SFXN5: variants seen among roughly 807,000 people sequenced by gnomAD.
The protein encoded by SFXN5 is sideroflexin-5.
SFXN5 carries 43 observed loss-of-function variants against 50.2 expected under a neutral mutation model. That is an observed-to-expected ratio of 0.86 (90% CI 0.67 to 1.11). SFXN5 has a LOEUF of 1.11. SFXN5 is among the 50% of genes least tolerant of loss of function. SFXN5 has a pLI of 0.00. For missense variants in SFXN5, 463 were observed against 454.1 expected, an observed-to-expected ratio of 1.02 and a Z score of -0.18; for synonymous variants, 203 against 185.8, an observed-to-expected ratio of 1.09 and a Z score of -0.75.
intron 3 of SFXN5, among the ~76,000 whole-genome samples, chr2:73,026,629 A>G (rs576755545): frequency 1.3e-5 from 2 of 152,310 alleles, no homozygotes; most frequent in South Asian, 4.1e-4. Context: ...CTGCATTGCC[A>G]TTCATATAAA....
chr2:72,992,964 G>A lies in SFXN5; in HGVS notation c.535-4616C>T, dbSNP rs1000937661. The stretch of plus-strand genomic sequence containing the variant: ...CATGAAGGCTCCTGAGGAAGGGGAT[G>A]CCTGCCTGAGCCCTGAATAGGAGGC... On this transcript the variant is annotated intron_variant, in intron 9 of 13. Transcript: ENST00000272433. This position sits in a 1 kb window ranked among gnomAD's most constrained non-coding sequence, Gnocchi z 4.5. 4.6e-5 allele frequency among the ~76,000 whole-genome samples: 7 copies of A among 152,196 alleles called. No homozygotes were observed. The highest frequency in any genetic ancestry group is 1.0e-4 in the Non-Finnish European group (7 of 68,044).
chr2:72,999,851 C>T (rs1330241192), intron 8 of SFXN5, among the ~76,000 whole-genome samples: 1 of 152,170 alleles, frequency 6.6e-6, no homozygotes, highest in African/African-American at 2.4e-5. Context: ...GGAGAGGTGG[C>T]CTTGCCAGCA....
At chr2:73,059,616 C>T in intron 1 of SFXN5, 1 of 981,164 alleles carries the variant, frequency 1.0e-6, no homozygotes, top group Non-Finnish European at 1.2e-6. Context: ...ATTTCTCTCC[C>T]ACCATGGCAC....
rs201000509 is a variant in SFXN5 at position 72,968,545 on chromosome 2, G to A, written c.742-12C>T. 1,161 of 1,612,700 alleles carry A rather than the reference G, an allele frequency of 7.2e-4. 5 individuals carry two copies. The African/African-American group carries it at 0.014, about 20-fold the overall frequency. ...GTCTCCAGCAGGGCCTGAGGGGCAGGCAGAAGCTGTGTGAGAGGGGCCTGA... is the reference window on the plus strand; with the variant it reads ...GTCTCCAGCAGGGCCTGAGGGGCAGACAGAAGCTGTGTGAGAGGGGCCTGA... On this transcript the variant is annotated splice_polypyrimidine_tract_variant and intron_variant, in intron 11 of 13. Transcript: ENST00000272433.
chr2:72,974,061 A>G (rs898688941), intron 10 of SFXN5, among the ~76,000 whole-genome samples: 16 of 151,954 alleles, frequency 1.1e-4, no homozygotes, highest in African/African-American at 3.9e-4. Context: ...TTGCCACCCA[A>G]CCCCACCTTG....
chr2:73,052,641 C>G (rs1014450199), intron 2 of SFXN5, among the ~76,000 whole-genome samples: 1 of 152,080 alleles, frequency 6.6e-6, no homozygotes, highest in East Asian at 1.9e-4. Flanking sequence ...AATCTGTCAG[C>G]CATTCATTTC....
intron 1 of SFXN5, among the ~76,000 whole-genome samples, chr2:73,068,791 T>C (rs1683358226): frequency 6.6e-6 from 1 of 151,688 alleles, no homozygotes; most frequent in Non-Finnish European, 1.5e-5. Context: ...AATCAATGTA[T>C]ACACCGAGAA....
intron 12 of SFXN5, among the ~76,000 whole-genome samples, chr2:72,966,170 C>T (rs1178331128): frequency 6.6e-6 from 1 of 152,200 alleles, no homozygotes; most frequent in Non-Finnish European, 1.5e-5. Flanking sequence ...GGGGCACCAG[C>T]TTGCCTTGAG....
intron 12 of SFXN5, among the ~76,000 whole-genome samples, chr2:72,967,915 T>C (rs115383272): frequency 6.6e-6 from 1 of 152,218 alleles, no homozygotes; most frequent in African/African-American, 2.4e-5. Context: ...ATGACAGATA[T>C]GAGTGCTTAG....
intron 2 of SFXN5, among the ~76,000 whole-genome samples, chr2:73,056,854 GAAC>G (rs1304916851): frequency 7.2e-5 from 11 of 152,194 alleles, no homozygotes; most frequent in African/African-American, 2.7e-4. Flanking sequence ...ACAACGCTTT[GAAC>G]AACAGTTTGG....
chr2:72,968,241 G>C (rs1573984672), intron 12 of SFXN5, among the ~76,000 whole-genome samples: 1 of 151,924 alleles, frequency 6.6e-6, no homozygotes, highest in Middle Eastern at 3.4e-3. Context: ...CCAGGGTCCT[G>C]CATAGTAAAA....
intron 6 of SFXN5, among the ~76,000 whole-genome samples, chr2:73,010,431 C>T (rs1322863558): frequency 6.6e-6 from 1 of 152,134 alleles, no homozygotes; most frequent in Non-Finnish European, 1.5e-5. Context: ...TATGGGGTGA[C>T]TTTTTACAAT....
chr2:73,042,594 C>T (rs1464171393), intron 2 of SFXN5: 1 of 151,932 alleles, frequency 6.6e-6, no homozygotes, highest in Non-Finnish European at 1.5e-5. Context: ...GCCTGCAAGA[C>T]AGAGCAAGAC....
intron 3 of SFXN5, among the ~76,000 whole-genome samples, chr2:73,031,798 G>A (rs1388186663): frequency 3.9e-5 from 6 of 152,170 alleles, no homozygotes; most frequent in Non-Finnish European, 8.8e-5. Flanking sequence ...ATGGACTTTG[G>A]CCCTCTCTCA....
At chr2:72,987,731 A>G (rs1672086741) in intron 10 of SFXN5, among the ~76,000 whole-genome samples, 1 of 152,138 alleles carries the variant, frequency 6.6e-6, no homozygotes, top group South Asian at 2.1e-4. Flanking sequence ...CTCCAGCCTG[A>G]GTGACAAGAG....
intron 9 of SFXN5, among the ~76,000 whole-genome samples, chr2:72,989,925 G>A (rs2105591469): frequency 6.6e-6 from 1 of 152,348 alleles, no homozygotes; most frequent in African/African-American, 2.4e-5. Context: ...CTGCTCTGAG[G>A]TCTGGCACGC....
Position 72,992,906 on chromosome 2 carries a change from G to A in SFXN5, c.535-4558C>T, listed in dbSNP as rs913113664. Reference sequence around the variant, plus strand: ...CTTGCAAGGCTCTGGCTACCTGTATGAGGAGGTGCCGTGAGGGAGTGGGCC... The same window carrying A: ...CTTGCAAGGCTCTGGCTACCTGTATAAGGAGGTGCCGTGAGGGAGTGGGCC... On this transcript the variant is annotated intron_variant, in intron 9 of 13. Coordinates refer to ENST00000272433, the MANE Select transcript of SFXN5 (RefSeq NM_144579.3). This position sits in a 1 kb window ranked among gnomAD's most constrained non-coding sequence, Gnocchi z 4.5. Among the ~76,000 whole-genome samples, 1 of 152,230 alleles carries A rather than the reference G, an allele frequency of 6.6e-6. No individual in the cohort carries two copies. Among genetic ancestry groups the A allele is most frequent in the Non-Finnish European group, 1.5e-5 (1 of 68,044 alleles).
At chr2:72,965,666 C>T (rs754490283) in intron 12 of SFXN5, among the ~76,000 whole-genome samples, 12 of 152,196 alleles carry the variant, frequency 7.9e-5, no homozygotes, top group Non-Finnish European at 1.8e-4. Context: ...AAGCAAGCCA[C>T]ATCCCCATCG....
intron 2 of SFXN5, among the ~76,000 whole-genome samples, chr2:73,046,013 T>C (rs1015006059): frequency 2.0e-5 from 3 of 152,120 alleles, no homozygotes; most frequent in Non-Finnish European, 1.5e-5. Context: ...ACAGGCAGCC[T>C]ATCCCTTCAG....
Sources: allele counts gnomAD v4.1 joint callset (sites outside exome capture counted in the v4.1 genomes callset), GRCh38; gene constraint gnomAD v4.1.1; non-coding constraint Gnocchi (gnomAD v3.1); transcripts MANE v1.5; gene names NCBI Gene and HGNC (gene_info 2026-07-23, HGNC 2026-07-21).